PDE9A: variants seen among roughly 807,000 people sequenced by gnomAD.
PDE9A encodes the protein high affinity cGMP-specific 3',5'-cyclic phosphodiesterase 9A.
In PDE9A, 60 loss-of-function variants were observed where a neutral mutation model predicts 87.4. The ratio of observed to expected loss-of-function variants is 0.69; its 90% confidence interval spans 0.56 to 0.85. The LOEUF (loss-of-function observed/expected upper bound fraction) is 0.85. Ranked by LOEUF, PDE9A falls within the 40% of genes least tolerant of loss-of-function variation. The pLI is 0.00. For synonymous variants in PDE9A, 272 were observed against 279.4 expected (o/e 0.97, Z 0.27); for missense variants, 665 against 779.0 (o/e 0.85, Z 1.74).
intron 10 of PDE9A, among the ~76,000 whole-genome samples, chr21:42,756,447 C>A (rs1371918922): frequency 6.6e-6 from 1 of 152,238 alleles, no homozygotes; most frequent in Non-Finnish European, 1.5e-5. Flanking sequence ...AGCAGGGGCG[C>A]CCCCACTTTT....
At chr21:42,772,410 G>C (rs764635004) in intron 18 of PDE9A, 29 bp from the exon 19 acceptor site, 5 of 1,508,152 alleles carry the variant, frequency 3.3e-6, no homozygotes, top group Non-Finnish European at 4.6e-6. Context: ...CCTGCTCCCT[G>C]ACTTGGCCTT....
intron 6 of PDE9A, 123 bp downstream of exon 6, chr21:42,732,247 A>C: frequency 1.1e-6 from 1 of 898,332 alleles, no homozygotes; most frequent in Non-Finnish European, 1.8e-6. Context: ...ACCTGCCTGG[A>C]GGAGCTGCCC....
intron 4 of PDE9A, among the ~76,000 whole-genome samples, chr21:42,706,307 T>C (rs1288780219): frequency 6.6e-6 from 1 of 152,242 alleles, no homozygotes; most frequent in African/African-American, 2.4e-5. Flanking sequence ...TCATGTTTCC[T>C]GGTTGAGATG....
chr21:42,695,863 A>G lies in PDE9A; in HGVS notation c.219-3105A>G, dbSNP rs75949686. On this transcript the variant is annotated intron_variant, in intron 3 of 19. Coordinates refer to ENST00000291539, the MANE Select transcript of PDE9A (RefSeq NM_002606.3). This position sits in a 1 kb window ranked among gnomAD's most constrained non-coding sequence, Gnocchi z 4.3. The stretch of plus-strand genomic sequence containing the variant: ...GACTGAGCCAAGAGTTGACTCATTC[A>G]TGGGAGCAACATAACGGGTTGTGAG... Among the ~76,000 whole-genome samples the G allele has an allele frequency of 1.4e-4, 22 of 152,328 alleles. No individual in the cohort carries two copies. The highest frequency in any genetic ancestry group is 5.3e-4 in the African/African-American group (22 of 41,574).
chr21:42,749,349 T>C (rs548801738), intron 8 of PDE9A, among the ~76,000 whole-genome samples: 1 of 152,278 alleles, frequency 6.6e-6, no homozygotes, highest in African/African-American at 2.4e-5. Context: ...ATCGTCCAAG[T>C]ACACAGGGAG....
At chr21:42,755,478 G>A (rs943348464) in intron 10 of PDE9A, among the ~76,000 whole-genome samples, 7 of 152,188 alleles carry the variant, frequency 4.6e-5, no homozygotes, top group Admixed American at 3.3e-4. Flanking sequence ...ACCTCCAGCC[G>A]CCACGTGGCA....
At chr21:42,768,087 T>C (rs2056578247) in intron 15 of PDE9A, 101 bp from the exon 16 acceptor site, 1 of 747,050 alleles carries the variant, frequency 1.3e-6, no homozygotes, top group Non-Finnish European at 2.4e-6. Context: ...CAGCAGGTCC[T>C]CCGTCTCTTC....
At chr21:42,725,529 A>G (rs2050946373) in intron 4 of PDE9A, among the ~76,000 whole-genome samples, 1 of 152,102 alleles carries the variant, frequency 6.6e-6, no homozygotes, top group Non-Finnish European at 1.5e-5. Context: ...ATGATCCACC[A>G]TGCCCGGCCT....
chr21:42,769,057 G>C lies in PDE9A; in HGVS notation c.1492G>C (p.Val498Leu). 1.9e-6 allele frequency: 3 copies of C among 1,613,564 alleles called. No homozygotes were observed. The highest frequency in any genetic ancestry group is 2.5e-6 in the Non-Finnish European group (3 of 1,179,570). The change falls in exon 17 of 20, where the codon GTG becomes CTG. Residue 498 changes from valine (V) to leucine (L), a missense_variant. Coordinates refer to ENST00000291539, the MANE Select transcript of PDE9A (RefSeq NM_002606.3). ...SDREKSEGLPVAPFMDRDKVT... is the reference protein window; with the variant it reads ...SDREKSEGLPLAPFMDRDKVT... ...CCGTGAGAAGTCAGAAGGCCTTCCT[G>C]TGGCACCGTTCATGGACCGAGACAA...
chr21:42,738,341 G>T (rs58923164), intron 7 of PDE9A, among the ~76,000 whole-genome samples: 6,605 of 152,346 alleles, frequency 0.043, 507 homozygotes, highest in East Asian at 0.37. Flanking sequence ...CCTGGAGGAA[G>T]TGTTGAAACA....
At chr21:42,719,548 G>A (rs1333293425) in intron 4 of PDE9A, among the ~76,000 whole-genome samples, 2 of 150,738 alleles carry the variant, frequency 1.3e-5, no homozygotes, top group Non-Finnish European at 3.0e-5. Flanking sequence ...GCTGAGGCAG[G>A]AGAATCCCTT....
chr21:42,697,513 TC>T, intron 3 of PDE9A: 1 of 1,463,500 alleles, frequency 6.8e-7, no homozygotes, highest in Non-Finnish European at 9.6e-7. Context: ...ATGTTTGTCT[TC>T]ATCTTCTTAA....
intron 4 of PDE9A, among the ~76,000 whole-genome samples, chr21:42,712,488 C>T (rs1463717400): frequency 6.6e-6 from 1 of 152,096 alleles, no homozygotes; most frequent in African/African-American, 2.4e-5. Context: ...TTAATTATTG[C>T]ATTCCAATTT....
intron 9 of PDE9A, 46 bp downstream of exon 9, chr21:42,751,243 GCC>G: frequency 5.9e-6 from 8 of 1,345,056 alleles, no homozygotes; most frequent in Non-Finnish European, 8.5e-6. Context: ...TGTGTCCCCA[GCC>G]CCACGCCCAG....
At chr21:42,680,041 G>T (rs551933487) in intron 1 of PDE9A, among the ~76,000 whole-genome samples, 1 of 152,206 alleles carries the variant, frequency 6.6e-6, no homozygotes, top group Non-Finnish European at 1.5e-5. Flanking sequence ...AGGACCTGGG[G>T]TGCCAGGAGC....
Position 42,760,972 on chromosome 21 carries a change from C to A in PDE9A, c.1085+65C>A. The A allele has an allele frequency of 9.7e-7, 1 of 1,030,296 alleles. No individual in the cohort carries two copies. Among genetic ancestry groups the A allele is most frequent in the Non-Finnish European group, 1.5e-6 (1 of 651,434 alleles). 63.8% of individuals were successfully genotyped at this position (1,030,296 alleles called of 1,614,324 possible). On this transcript the variant is annotated intron_variant, in intron 13 of 19. Transcript: ENST00000291539. This position sits in a 1 kb window ranked among gnomAD's most constrained non-coding sequence, Gnocchi z 5.2. ...ACCCTGGCTACTGGAGGGAACCTGT[C>A]AGCCCAACCCTCAGAGCAGTTCCCA...
rs1201876239 is a variant in PDE9A, at chr21:42,704,280, C to T, written c.262+5269C>T. ...TGCATTTTCCTAGCAGCGACAACCC[C>T]TCCCACATCTCCATAGTCACATCCT... On this transcript the variant is annotated intron_variant, in intron 4 of 19. Transcript: ENST00000291539. This position sits in a 1 kb window ranked among gnomAD's most constrained non-coding sequence, Gnocchi z 5.3. Among the ~76,000 whole-genome samples, 1 of 152,162 alleles carries T rather than the reference C, an allele frequency of 6.6e-6. No individual in the cohort carries two copies. Among genetic ancestry groups the T allele is most frequent in the Non-Finnish European group, 1.5e-5 (1 of 68,030 alleles).
At chr21:42,746,217 G>A (rs2053830865) in intron 8 of PDE9A, among the ~76,000 whole-genome samples, 1 of 152,250 alleles carries the variant, frequency 6.6e-6, no homozygotes, top group Non-Finnish European at 1.5e-5. Flanking sequence ...GTGTGCACTA[G>A]TCCTGCAGGT....
chr21:42,740,583 GTGGATGGATGGA>G (rs58306941), intron 7 of PDE9A, among the ~76,000 whole-genome samples: 58,521 of 108,584 alleles, frequency 0.54, 11,767 homozygotes, highest in East Asian at 0.63. Flanking sequence ...AGATGGATGG[GTGGATGGATGGA>G]TGGATGGATG....
Sources: gnomAD v4.1 joint callset for allele counts (sites outside exome capture counted in the v4.1 genomes callset) on GRCh38, gnomAD v4.1.1 for gene constraint, Gnocchi (gnomAD v3.1) non-coding constraint, MANE v1.5 for transcripts, NCBI Gene and HGNC (gene_info 2026-07-23, HGNC 2026-07-21) for gene names.